Variants in RBPJ observed in about 807,000 individuals in gnomAD.
The protein encoded by RBPJ is recombining binding protein suppressor of hairless.
Under a neutral mutation model 67.8 loss-of-function variants are expected in RBPJ, and 9 were observed. The ratio of observed to expected loss-of-function variants is 0.13; its 90% CI spans 0.08 to 0.23. RBPJ has a LOEUF of 0.23. Ranked by LOEUF, RBPJ falls within the 10% of genes least tolerant of loss-of-function variation. RBPJ has a pLI of 1.00. For synonymous variants in RBPJ, 198 were observed against 203.3 expected (o/e 0.97, Z 0.22); for missense variants, 305 against 595.6 (o/e 0.51, Z 5.08).
chr4:26,234,734 C>G (rs565129318), intron 1 of RBPJ, among the ~76,000 whole-genome samples: 21 of 151,876 alleles, frequency 1.4e-4, no homozygotes, highest in African/African-American at 5.1e-4. Flanking sequence ...GCTCTGTCAC[C>G]CAGGCTGGAG....
chr4:26,257,027 G>T (rs968157008), intron 1 of RBPJ, among the ~76,000 whole-genome samples: 1 of 152,098 alleles, frequency 6.6e-6, no homozygotes, highest in Non-Finnish European at 1.5e-5. Context: ...AATACAAAAC[G>T]ATCAGTCCAT....
the RBPJ span, among the ~76,000 whole-genome samples, chr4:26,116,576 T>G: frequency 6.6e-6 from 1 of 152,218 alleles, no homozygotes; most frequent in African/African-American, 2.4e-5. Context: ...CCCCGGGACA[T>G]GCCATGTTTT....
At chr4:26,409,738 T>A (rs1180750115) in intron 3 of RBPJ, among the ~76,000 whole-genome samples, 2 of 152,008 alleles carry the variant, frequency 1.3e-5, no homozygotes, top group African/African-American at 4.8e-5. Flanking sequence ...GACCTTGTGA[T>A]CTGCCCGCCT....
intron 1 of RBPJ, among the ~76,000 whole-genome samples, chr4:26,356,858 A>G (rs1193934838): frequency 2.0e-5 from 3 of 152,248 alleles, no homozygotes; most frequent in Non-Finnish European, 4.4e-5. Context: ...TATACTTTTG[A>G]TAGATACTGC....
intron 1 of RBPJ, among the ~76,000 whole-genome samples, chr4:26,244,162 T>TATATGTATACAC (rs1719752682): frequency 3.6e-5 from 5 of 137,884 alleles, no homozygotes; most frequent in Non-Finnish European, 6.6e-5. Context: ...TATATGTATA[T>TATATGTATACAC]ATATATGTAT....
chr4:26,259,232 A>G lies in RBPJ; in HGVS notation c.-167+95618A>G, dbSNP rs541401036. ...CCTTCATTTGATGACAGGAATGTGT[A>G]GAAGCATGATGTATTGGAGAAGGAC... On this transcript the variant is annotated intron_variant, in intron 1 of 4. Coordinates refer to the RBPJ transcript ENST00000512351. 2.6e-5 allele frequency among the ~76,000 whole-genome samples: 4 copies of G among 152,338 alleles called. No individual in the cohort carries two copies. The East Asian group carries it at 7.7e-4, about 29-fold the overall frequency.
chr4:26,191,204 TATATATAGAG>T (rs1459456488), intron 1 of RBPJ, among the ~76,000 whole-genome samples: 725 of 31,758 alleles, frequency 0.023, 5 homozygotes, highest in East Asian at 0.056. Flanking sequence ...TATATATATA[TATATATAGAG>T]AGAGAGAGAG....
At chr4:26,160,716 T>A (rs1008935798), upstream of RBPJ, among the ~76,000 whole-genome samples, 3 of 151,464 alleles carry the variant, frequency 2.0e-5, no homozygotes, top group Admixed American at 6.6e-5. Context: ...AGAGTGTGGG[T>A]GAATCAGGCA....
At chr4:26,420,457 T>C (rs1372253364) in intron 4 of RBPJ, 94 bp from the exon 5 acceptor site, 2 of 762,426 alleles carry the variant, frequency 2.6e-6, no homozygotes, top group Non-Finnish European at 4.0e-6. Flanking sequence ...GGAATTGTTT[T>C]ACTTATTACT....
chr4:26,304,788 A>AT (rs34531799), intron 1 of RBPJ, among the ~76,000 whole-genome samples: 29,367 of 142,384 alleles, frequency 0.21, 4,621 homozygotes, highest in African/African-American at 0.44. Context: ...CCCATTCTGT[A>AT]TTTTTTTTTT....
chr4:26,351,086 A>G (rs1441391029), intron 1 of RBPJ, among the ~76,000 whole-genome samples: 2 of 151,944 alleles, frequency 1.3e-5, no homozygotes, highest in African/African-American at 2.4e-5. Flanking sequence ...TATATATTAT[A>G]TACATTAAGT....
chr4:26,275,865 C>T (rs1290691978), intron 1 of RBPJ, among the ~76,000 whole-genome samples: 1 of 151,826 alleles, frequency 6.6e-6, no homozygotes, highest in Non-Finnish European at 1.5e-5. Flanking sequence ...CTCTTGACCT[C>T]TCTGCCCACC....
chr4:26,282,096 A>G (rs1463889065), intron 1 of RBPJ, among the ~76,000 whole-genome samples: 1 of 150,286 alleles, frequency 6.7e-6, no homozygotes, highest in Non-Finnish European at 1.5e-5. Flanking sequence ...ATTCTACAAA[A>G]TGTAAATAAT....
chr4:26,326,593 CAG>C (rs2109341012), intron 1 of RBPJ, among the ~76,000 whole-genome samples: 1 of 152,158 alleles, frequency 6.6e-6, no homozygotes, highest in East Asian at 1.9e-4. Context: ...ATATTACTGA[CAG>C]ATAATTTCTT....
chr4:26,415,505 T>C lies in RBPJ; in HGVS notation c.186T>C (p.Leu62=). The change falls in exon 4 of 11, where the codon CTT becomes CTC. Residue 62 remains leucine, a synonymous_variant. Transcript: ENST00000355476. ...RFFCPPPCVY[L]MGSGWKKKKE... ...TTTGCCCACCTCCTTGTGTATATCT[T>C]ATGGGCAGTGGATGGAAGAAAAAAA... The C allele has an allele frequency of 6.2e-7, 1 of 1,612,176 alleles. No homozygotes were observed. The highest frequency in any genetic ancestry group is 8.5e-7 in the Non-Finnish European group (1 of 1,179,260).
chr4:26,374,128 C>T (rs1437544131), intron 1 of RBPJ, among the ~76,000 whole-genome samples: 16 of 151,926 alleles, frequency 1.1e-4, no homozygotes, highest in Admixed American at 2.6e-4. Flanking sequence ...TTAGTAGAGA[C>T]GGAGTTTCAT....
chr4:26,290,869 G>T (rs1721644909), intron 1 of RBPJ, among the ~76,000 whole-genome samples: 1 of 150,864 alleles, frequency 6.6e-6, no homozygotes, highest in Non-Finnish European at 1.5e-5. Flanking sequence ...AATCGTAAAT[G>T]AAATACATAA....
intron 1 of RBPJ, among the ~76,000 whole-genome samples, chr4:26,164,748 A>C (rs983487437): frequency 2.0e-5 from 3 of 152,196 alleles, no homozygotes; most frequent in South Asian, 2.1e-4. Context: ...GAACTGCACA[A>C]AAAGAGTTAA....
chr4:26,221,758 A>C (rs972720855), intron 1 of RBPJ, among the ~76,000 whole-genome samples: 4 of 152,224 alleles, frequency 2.6e-5, no homozygotes, highest in African/African-American at 9.6e-5. Context: ...TAGGATGACC[A>C]TAGTTAACAA....
Sources: allele counts gnomAD v4.1 joint callset (sites outside exome capture counted in the v4.1 genomes callset), GRCh38; gene constraint gnomAD v4.1.1; transcripts MANE v1.5; gene names NCBI Gene and HGNC (gene_info 2026-07-23, HGNC 2026-07-21).